The following NXN variants were observed in gnomAD, a reference collection of about 807,000 sequenced individuals.
NXN encodes nucleoredoxin 1.
NXN carries 16 observed loss-of-function variants against 48.6 expected under a neutral mutation model. The ratio of observed to expected loss-of-function variants is 0.33; its 90% CI spans 0.22 to 0.50. NXN has a LOEUF of 0.50. Among genes scored for constraint, NXN ranks in the 20% least tolerant of loss-of-function variants. NXN has a pLI of 0.98. For synonymous variants in NXN, 281 were observed against 269.6 expected, an observed-to-expected ratio of 1.04 and a Z score of -0.41; for missense variants, 492 against 605.5, an observed-to-expected ratio of 0.81 and a Z score of 1.97.
At chr17:963,212 CGG>C (rs72066818) in intron 1 of NXN, among the ~76,000 whole-genome samples, 22,090 of 146,034 alleles carry the variant, frequency 0.15, 4,286 homozygotes, top group African/African-American at 0.45. Flanking sequence ...GGTACTGGGA[CGG>C]ACACACACAC....
intron 5 of NXN, among the ~76,000 whole-genome samples, chr17:809,360 C>A (rs1014960674): frequency 6.6e-6 from 1 of 152,206 alleles, no homozygotes; most frequent in African/African-American, 2.4e-5. Flanking sequence ...CTCTCTTCTC[C>A]AAGGAGGAGC....
intron 1 of NXN, among the ~76,000 whole-genome samples, chr17:873,977 C>T (rs2068187376): frequency 6.6e-6 from 1 of 152,136 alleles, no homozygotes; most frequent in South Asian, 2.1e-4. Context: ...CCACTCCTGA[C>T]ATGGTTTGGC....
chr17:838,039 C>A (rs1201627651), intron 1 of NXN, among the ~76,000 whole-genome samples: 3 of 151,540 alleles, frequency 2.0e-5, no homozygotes, highest in Non-Finnish European at 4.4e-5. Flanking sequence ...CGCCAGGCTG[C>A]ATTAAAATAA....
At position 917,279 on chromosome 17, in the gene NXN, C is replaced by T. The variant is rs1244275994; in HGVS notation, c.360+62040G>A. 7.2e-5 allele frequency among the ~76,000 whole-genome samples: 11 copies of T among 152,146 alleles called. No individual in the cohort carries two copies. The highest frequency in any genetic ancestry group is 2.1e-4 in the South Asian group (1 of 4,824). ...GCCTCAGCCTCCCGAGCAGCTGGGA[C>T]TACAGGCGCCCGCCACCATGCCCAG... On this transcript the variant is annotated intron_variant, in intron 1 of 7. Transcript: ENST00000336868. The surrounding 1 kb of genome is among the most constrained non-coding windows in gnomAD (Gnocchi z 4.5).
intron 1 of NXN, among the ~76,000 whole-genome samples, chr17:893,279 C>T (rs1365249208): frequency 6.6e-6 from 1 of 152,192 alleles, no homozygotes; most frequent in Non-Finnish European, 1.5e-5. Context: ...GTTGTGGACA[C>T]TCCTCTGGGG....
chr17:891,692 A>T (rs984118428), intron 1 of NXN, among the ~76,000 whole-genome samples: 5 of 152,308 alleles, frequency 3.3e-5, no homozygotes, highest in Non-Finnish European at 7.4e-5. Flanking sequence ...ACCTAAGCTA[A>T]CCTCACCATG....
rs2069035966 is a variant in NXN at position 945,720 on chromosome 17, A to G, written c.360+33599T>C. Among the ~76,000 whole-genome samples, 3 of 152,194 alleles carry G rather than the reference A, an allele frequency of 2.0e-5. No individual in the cohort carries two copies. The South Asian group carries it at 6.2e-4, about 32-fold the overall frequency. ...GGATATTAAATGTATGATTGTTTTC[A>G]TATCTTTAGCCCCAAAATAATAAAT... On this transcript the variant is annotated intron_variant, in intron 1 of 7. Coordinates refer to ENST00000336868, the MANE Select transcript of NXN (RefSeq NM_022463.5).
chr17:950,050 A>T (rs193040293), intron 1 of NXN, among the ~76,000 whole-genome samples: 1 of 152,300 alleles, frequency 6.6e-6, no homozygotes, highest in Admixed American at 6.5e-5. Context: ...TTAAAAAGGA[A>T]AAAAAGATTG....
At chr17:976,707 A>C (rs1464770924) in intron 1 of NXN, among the ~76,000 whole-genome samples, 1 of 151,706 alleles carries the variant, frequency 6.6e-6, no homozygotes, top group Non-Finnish European at 1.5e-5. Flanking sequence ...TGAGACAAAA[A>C]CTCAGTTACA....
intron 1 of NXN, among the ~76,000 whole-genome samples, chr17:975,318 G>A (rs189639547): frequency 2.2e-4 from 33 of 152,320 alleles, no homozygotes; most frequent in African/African-American, 7.5e-4. Context: ...ATACAGTGGT[G>A]TCACAGCAAC....
intron 1 of NXN, among the ~76,000 whole-genome samples, chr17:892,934 C>A (rs1158739093): frequency 6.6e-6 from 1 of 152,194 alleles, no homozygotes; most frequent in Non-Finnish European, 1.5e-5. Flanking sequence ...ATGTAGCGCA[C>A]CAATGCAAGA....
At position 979,767 on chromosome 17, in the gene NXN, T is replaced by C; in HGVS notation, c.-89A>G. On this transcript the variant is annotated 5_prime_UTR_variant, in exon 1 of 8. Coordinates refer to ENST00000336868, the MANE Select transcript of NXN (RefSeq NM_022463.5). Reference sequence around the variant, plus strand: ...AGGCGGCGGCGTCGGCGGCAGGCGCTGGGGAGAGCAGAGCCCGGCCCAGTA... The same window carrying C: ...AGGCGGCGGCGTCGGCGGCAGGCGCCGGGGAGAGCAGAGCCCGGCCCAGTA... 1 of 1,126,338 alleles carries C rather than the reference T, an allele frequency of 8.9e-7. No homozygotes were observed. Among genetic ancestry groups the C allele is most frequent in the African/African-American group, 1.7e-5 (1 of 60,232 alleles). 69.8% of individuals were successfully genotyped at this position (1,126,338 alleles called of 1,614,324 possible).
Position 861,924 on chromosome 17 carries a change from G to A in NXN, c.361-35846C>T, listed in dbSNP as rs562362860. ...AGCTCACTGCAACCTCTGTCTCCTGGGCTCAAGCAATCCTCTCACCTCAGC... is the reference window on the plus strand; with the variant it reads ...AGCTCACTGCAACCTCTGTCTCCTGAGCTCAAGCAATCCTCTCACCTCAGC... On this transcript the variant is annotated intron_variant, in intron 1 of 7. Transcript: ENST00000336868. Among the ~76,000 whole-genome samples, 242 of 151,888 alleles carry A rather than the reference G, an allele frequency of 1.6e-3. 1 individual carries two copies. The highest frequency in any genetic ancestry group is 5.5e-3 in the African/African-American group (226 of 41,426).
chr17:907,129 T>G (rs1005616503), intron 1 of NXN, among the ~76,000 whole-genome samples: 1 of 148,044 alleles, frequency 6.8e-6, no homozygotes, highest in Non-Finnish European at 1.5e-5. Flanking sequence ...TAATCTTTTT[T>G]TGGGGGGGCG....
intron 1 of NXN, among the ~76,000 whole-genome samples, chr17:855,287 C>G (rs1187141673): frequency 6.6e-6 from 1 of 152,120 alleles, no homozygotes; most frequent in Non-Finnish European, 1.5e-5. Context: ...CAAATAAATA[C>G]ATAAATAATT....
At chr17:937,345 G>A (rs541100122) in intron 1 of NXN, among the ~76,000 whole-genome samples, 1 of 152,200 alleles carries the variant, frequency 6.6e-6, no homozygotes, top group South Asian at 2.1e-4. Context: ...GAAGCGGCCA[G>A]AGGAAACGGA....
chr17:868,586 G>A (rs1286213823), intron 1 of NXN, among the ~76,000 whole-genome samples: 1 of 152,046 alleles, frequency 6.6e-6, no homozygotes, highest in Non-Finnish European at 1.5e-5. Context: ...CCGCCTCCCG[G>A]GTTCACGCCA....
rs115194315 is a variant in NXN at position 868,220 on chromosome 17, G to A, written c.361-42142C>T. On this transcript the variant is annotated intron_variant, in intron 1 of 7. Transcript: ENST00000336868. ...TTCACACATGGGATTCCCTCTATCC[G>A]ATCCACCCTTCCCCGGAATTCCCCT... is the stretch of plus-strand genomic sequence containing the variant. Among the ~76,000 whole-genome samples the A allele has an allele frequency of 8.3e-3, 1,269 of 152,052 alleles. 25 individuals are homozygous for A. The highest frequency in any genetic ancestry group is 0.029 in the African/African-American group (1,212 of 41,496).
At chr17:845,825 G>C (rs574922305) in intron 1 of NXN, among the ~76,000 whole-genome samples, 11 of 152,250 alleles carry the variant, frequency 7.2e-5, no homozygotes, top group Non-Finnish European at 1.6e-4. Context: ...CCAACACTTC[G>C]GGAGGCCGAG....
Sources: gnomAD v4.1 joint callset for allele counts (sites outside exome capture counted in the v4.1 genomes callset) on GRCh38, gnomAD v4.1.1 for gene constraint, Gnocchi (gnomAD v3.1) non-coding constraint, MANE v1.5 for transcripts, NCBI Gene and HGNC (gene_info 2026-07-23, HGNC 2026-07-21) for gene names.